SEMA4G: variants seen among roughly 807,000 people sequenced by gnomAD.
SEMA4G encodes semaphorin 4G.
In SEMA4G, 59 loss-of-function variants were observed where a neutral mutation model predicts 81.2. The ratio of observed to expected loss-of-function variants is 0.73; its 90% CI spans 0.59 to 0.90. The LOEUF (loss-of-function observed/expected upper bound fraction) is 0.90. SEMA4G is among the 40% of genes least tolerant of loss of function. The pLI, the probability that SEMA4G is intolerant of heterozygous loss-of-function variation, is 0.00. For synonymous variants in SEMA4G, 404 were observed against 433.9 expected, an observed-to-expected ratio of 0.93 and a Z score of 0.86; for missense variants, 952 against 1,102.3, an observed-to-expected ratio of 0.86 and a Z score of 1.93.
exon 8 of SEMA4G, chr10:100,979,123 A>G: frequency 6.2e-7 from 1 of 1,614,110 alleles, no homozygotes. Flanking sequence ...AGGGAAGAAG[A>G]TCCTGCAGAA....
In SEMA4G at chr10:100,973,161, G is replaced by A; in HGVS notation, c.157G>A (p.Ala53Thr). Residue 53 changes from alanine to threonine, a missense_variant, in exon 2 of 14, where the codon GCC becomes ACC. Ala to Thr is a moderately conservative substitution (Grantham distance 58). Transcript: ENST00000370250. This position sits in a 1 kb window ranked among gnomAD's most constrained non-coding sequence, Gnocchi z 5.5. ...TGGGACCCGGCACTTCAAGGGCCAA[G>A]CCCAGAACTACTCAACACTGCTGCT... is the stretch of plus-strand genomic sequence containing the variant. 1 of 1,613,962 alleles carries A rather than the reference G, an allele frequency of 6.2e-7. No individual in the cohort carries two copies. The highest frequency in any genetic ancestry group is 1.1e-5 in the South Asian group (1 of 91,082).
chr10:100,979,754 G>C lies in SEMA4G; in HGVS notation c.984-94G>C, dbSNP rs570088575. On this transcript the variant is annotated intron_variant, in intron 8 of 13. Transcript: ENST00000370250. ...GCCCTGTGGGACTATAGCTGGGGTT[G>C]GCCAGGGTAACAGTGAGCTTCAGGC... 160 of 1,448,402 alleles carry C rather than the reference G, an allele frequency of 1.1e-4. 1 individual carries two copies. In the African/African-American group the frequency reaches 1.9e-3, roughly 17 times the overall value. The allele number at this position is 1,448,402 out of a possible 1,614,324, so 89.7% of individuals were successfully genotyped here. A position where few individuals can be genotyped will look rare whatever the true frequency, so the allele number is the denominator to read the frequency against.
At position 100,972,743 on chromosome 10, in the gene SEMA4G, AC is replaced by A; in HGVS notation, c.-164del. On this transcript the variant is annotated 5_prime_UTR_variant, in exon 1 of 14. The change creates a premature stop within an existing upstream ORF in the 5' untranslated region. Coordinates refer to ENST00000370250, the Ensembl canonical transcript of SEMA4G. ...GACTCCATGTCCCCCCGATTCCAGGACCCCCCATGGCCCCATGATTCCTTGA... is the reference window on the plus strand; with the variant it reads ...GACTCCATGTCCCCCCGATTCCAGGACCCCCATGGCCCCATGATTCCTTGA... 5.6e-6 allele frequency: 3 copies of A among 537,346 alleles called. No individual in the cohort carries two copies. The highest frequency in any genetic ancestry group is 6.4e-6 in the Non-Finnish European group (2 of 312,376). 33.3% of individuals were successfully genotyped at this position (537,346 alleles called of 1,614,324 possible).
chr10:100,978,820 A>G (rs1850918689), intron 6 of SEMA4G, 29 bp from the exon 8 acceptor site: 2 of 1,608,306 alleles, frequency 1.2e-6, no homozygotes, highest in African/African-American at 1.3e-5. Flanking sequence ...AGCCTGTCTC[A>G]AAAGCCTCTC....
chr10:100,984,631 T>C, exon 14 of SEMA4G: 1 of 1,536,344 alleles, frequency 6.5e-7, no homozygotes, highest in Non-Finnish European at 8.7e-7. Context: ...GAAGAATGTT[T>C]ATCGGCTGGG....
chr10:100,983,381 C>T (rs549851109), exon 14 of SEMA4G: 1 of 1,609,922 alleles, frequency 6.2e-7, no homozygotes, highest in Non-Finnish European at 8.5e-7. Flanking sequence ...AGCCATCCAA[C>T]CTGGCCCGGG....
rs967650702 is a variant in SEMA4G at position 100,973,943 on chromosome 10, G to A, written c.336+334G>A. 3.1e-5 allele frequency among the ~76,000 whole-genome samples: 4 copies of A among 129,378 alleles called. No homozygotes were observed. Among genetic ancestry groups the A allele is most frequent in the Non-Finnish European group, 5.5e-5 (3 of 54,274 alleles). The allele number at this position is 129,378 out of a possible 152,430, so 84.9% of individuals were successfully genotyped here. ...ACGGGCACATGCCACGCCCAGCTAAGTGTTTTATTTTTTGTAGAAACAGGG... is the reference window on the plus strand; with the variant it reads ...ACGGGCACATGCCACGCCCAGCTAAATGTTTTATTTTTTGTAGAAACAGGG... On this transcript the variant is annotated intron_variant, in intron 3 of 13. Transcript: ENST00000370250. The surrounding 1 kb of genome is among the most constrained non-coding windows in gnomAD (Gnocchi z 5.5).
Position 100,979,362 on chromosome 10 carries a change from G to C in SEMA4G, c.983+91G>C. 4 of 1,606,452 alleles carry C rather than the reference G, an allele frequency of 2.5e-6. 1 individual carries two copies. The South Asian group carries it at 4.5e-5, about 18-fold the overall frequency. On this transcript the variant is annotated intron_variant, in intron 8 of 13. Coordinates refer to ENST00000370250, the Ensembl canonical transcript of SEMA4G. ...TGAGGATGAGATAGGATCCACTGTG[G>C]GGAGGTCTGGCTGCAAAGTGAGAAT...
chr10:100,978,698 T>C, intron 6 of SEMA4G, 58 bp downstream of exon 7: 1 of 1,573,508 alleles, frequency 6.4e-7, no homozygotes, highest in Non-Finnish European at 8.7e-7. Context: ...TCATTTTTAC[T>C]CCCTTGGCCA....
In SEMA4G at chr10:100,978,916, G is replaced by T. The variant is rs1037811860; in HGVS notation, c.711G>T (p.Lys237Asn). Residue 237 changes from lysine (K) to asparagine (N), a missense_variant, in exon 7 of 14, where the codon AAG becomes AAT. Physicochemically the swap from Lys to Asn is moderately conservative, Grantham distance 94 (BLOSUM62 0). This residue lies in a region of SEMA4G where 436 missense variants were observed against 488.2 expected (regional missense o/e 0.89). Coordinates refer to ENST00000370250, the Ensembl canonical transcript of SEMA4G. The stretch of plus-strand genomic sequence containing the variant: ...CCAGTGCAGTGGGTGATGATGACAA[G>T]GTGTACTACTTCTTCACGGAGCGTG... The T allele has an allele frequency of 1.9e-6, 3 of 1,614,224 alleles. No homozygotes were observed. The highest frequency in any genetic ancestry group is 2.5e-6 in the Non-Finnish European group (3 of 1,180,044).
chr10:100,985,584 G>C (rs576811967), downstream of SEMA4G: 1 of 152,594 alleles, frequency 6.6e-6, no homozygotes, highest in Non-Finnish European at 1.5e-5. Flanking sequence ...TCCTCCCCCT[G>C]CCGTTGGTTA....
chr10:100,983,705 T>C (rs1851254882), exon 14 of SEMA4G: 1 of 1,613,558 alleles, frequency 6.2e-7, no homozygotes, highest in Non-Finnish European at 8.5e-7. Flanking sequence ...CCCTCCTCTA[T>C]GTGGCCTGTC....
At chr10:100,981,082 G>C (rs1851047625) in intron 12 of SEMA4G, 85 bp downstream of exon 13, 20 of 1,603,962 alleles carry the variant, frequency 1.2e-5, no homozygotes, top group Admixed American at 1.7e-5. Flanking sequence ...GCAGGGGCTA[G>C]TTATTAGTAA....
exon 14 of SEMA4G, chr10:100,984,651 C>T: frequency 6.5e-7 from 1 of 1,536,186 alleles, no homozygotes; most frequent in Non-Finnish European, 8.7e-7. Context: ...GCTGCAGTGC[C>T]CCCACCCTCA....
chr10:100,974,361 A>T (rs1178480019), intron 3 of SEMA4G, among the ~76,000 whole-genome samples: 1 of 152,010 alleles, frequency 6.6e-6, no homozygotes, highest in Non-Finnish European at 1.5e-5. Flanking sequence ...GCTACTTGGG[A>T]AGCTGAGTGG....
At chr10:100,972,503 CT>C (rs574889861), upstream of SEMA4G, 690 of 181,228 alleles carry the variant, frequency 3.8e-3, 4 homozygotes, top group Non-Finnish European at 5.7e-3. Flanking sequence ...GATCAAAGGG[CT>C]TTTTTTTCCC....
At chr10:100,979,340 G>A (rs753415545) in intron 8 of SEMA4G, 69 bp downstream of exon 9, 93 of 1,613,648 alleles carry the variant, frequency 5.8e-5, no homozygotes, top group Non-Finnish European at 7.5e-5. Flanking sequence ...AGGTCAATGA[G>A]GATGAGATAG....
At chr10:100,979,442 G>C in intron 8 of SEMA4G, 171 bp downstream of exon 9, 1 of 1,504,730 alleles carries the variant, frequency 6.6e-7, no homozygotes, top group Non-Finnish European at 8.9e-7. Flanking sequence ...GAGTGCAGTG[G>C]CGCGATCTCG....
exon 14 of SEMA4G, chr10:100,983,936 G>A (rs368791581): frequency 3.6e-5 from 37 of 1,024,796 alleles, no homozygotes; most frequent in South Asian, 1.1e-4. Context: ...CACCGCCACC[G>A]GCTGAGCTGA....
Sources: gnomAD v4.1 joint callset for allele counts (sites outside exome capture counted in the v4.1 genomes callset) on GRCh38, gnomAD v4.1.1 for gene constraint, gnomAD v4.1.1 regional missense constraint, Gnocchi (gnomAD v3.1) non-coding constraint, MANE v1.5 for transcripts, NCBI Gene and HGNC (gene_info 2026-07-23, HGNC 2026-07-21) for gene names.